The following TRPC4 variants were observed in gnomAD, a reference collection of about 807,000 sequenced individuals.
The protein encoded by TRPC4 is short transient receptor potential channel 4.
Under a neutral mutation model 99.4 loss-of-function variants are expected in TRPC4, and 49 were observed. The observed-to-expected ratio is 0.49, with a 90% CI of 0.39 to 0.63. TRPC4 has a LOEUF of 0.63. Ranked by LOEUF, TRPC4 falls within the 20% of genes least tolerant of loss-of-function variation. The pLI is 0.00. For missense variants in TRPC4, 898 were observed against 1,152.9 expected, an observed-to-expected ratio of 0.78 and a Z score of 3.20; for synonymous variants, 454 against 425.9, an observed-to-expected ratio of 1.07 and a Z score of -0.81.
At chr13:37,689,855 C>T (rs1015046747) in intron 4 of TRPC4, among the ~76,000 whole-genome samples, 2 of 152,148 alleles carry the variant, frequency 1.3e-5, no homozygotes, top group African/African-American at 4.8e-5. Context: ...ACCCATTTAT[C>T]CCAGTAAAAT....
intron 4 of TRPC4, among the ~76,000 whole-genome samples, chr13:37,688,667 C>T (rs557363212): frequency 1.1e-4 from 16 of 152,038 alleles, no homozygotes; most frequent in Admixed American, 2.0e-4. Flanking sequence ...CTTTTGAAAA[C>T]GGAAGAAAAG....
intron 3 of TRPC4, among the ~76,000 whole-genome samples, chr13:37,713,240 A>G (rs1354573615): frequency 6.6e-6 from 1 of 152,176 alleles, no homozygotes; most frequent in Non-Finnish European, 1.5e-5. Context: ...AAATGATTTA[A>G]AGATTATATA....
chr13:37,692,009 C>T lies in TRPC4; in HGVS notation c.1224G>A (p.Pro408=), dbSNP rs377254719. The T allele has an allele frequency of 8.7e-5, 141 of 1,612,930 alleles. No homozygotes were observed. The highest frequency in any genetic ancestry group is 1.6e-4 in the Middle Eastern group (1 of 6,070). ...PPTIVEWMIL[P]WVLGFIWGEI... ...TAGTAACACATTTACCCAGGACCCA[C>T]GGTAATATCATCCACTCGACGATGG... Residue 408 remains proline, a synonymous_variant, in exon 4 of 11, where the codon CCG becomes CCA. Coordinates refer to ENST00000379705, the MANE Select transcript of TRPC4 (RefSeq NM_016179.4).
chr13:37,869,172 C>A (rs1251326869), intron 1 of TRPC4, among the ~76,000 whole-genome samples: 1 of 151,574 alleles, frequency 6.6e-6, no homozygotes. Flanking sequence ...TAAGGCCTCA[C>A]TTATATGCAC....
chr13:37,863,546 C>G (rs1291930144), intron 1 of TRPC4, among the ~76,000 whole-genome samples: 1 of 151,500 alleles, frequency 6.6e-6, no homozygotes, highest in Non-Finnish European at 1.5e-5. Context: ...TGTCAAACTG[C>G]AACTACCACA....
intron 5 of TRPC4, among the ~76,000 whole-genome samples, chr13:37,664,686 T>A (rs1380043066): frequency 2.0e-5 from 3 of 152,340 alleles, no homozygotes; most frequent in Middle Eastern, 6.8e-3. Flanking sequence ...TTCATACACA[T>A]CACTGAAAAA....
intron 2 of TRPC4, among the ~76,000 whole-genome samples, chr13:37,775,642 T>C (rs1156877241): frequency 6.6e-6 from 1 of 151,746 alleles, no homozygotes; most frequent in Non-Finnish European, 1.5e-5. Flanking sequence ...ATTTTCTCTC[T>C]CTCTCACTCC....
intron 1 of TRPC4, among the ~76,000 whole-genome samples, chr13:37,844,915 C>T (rs189468566): frequency 5.3e-5 from 8 of 152,188 alleles, no homozygotes; most frequent in Non-Finnish European, 1.0e-4. Flanking sequence ...AGCAAATGGC[C>T]CTTCCCAACT....
chr13:37,757,116 A>T (rs2151443), intron 2 of TRPC4, among the ~76,000 whole-genome samples: 74,979 of 151,818 alleles, frequency 0.49, 19,964 homozygotes, highest in Non-Finnish European at 0.6. Context: ...TGGTAACATG[A>T]ATGCCTATTA....
At chr13:37,643,012 G>T (rs150810908) in intron 8 of TRPC4, among the ~76,000 whole-genome samples, 2,786 of 152,260 alleles carry the variant, frequency 0.018, 75 homozygotes, top group Admixed American at 0.057. Flanking sequence ...TTACAGGTGT[G>T]AGCCACAGTG....
chr13:37,852,489 G>A (rs1010061569), intron 1 of TRPC4, among the ~76,000 whole-genome samples: 1 of 152,172 alleles, frequency 6.6e-6, no homozygotes, highest in African/African-American at 2.4e-5. Flanking sequence ...TACACAATGG[G>A]CCTTGGGCCC....
At chr13:37,822,719 C>T (rs1325086021) in intron 1 of TRPC4, among the ~76,000 whole-genome samples, 19 of 151,888 alleles carry the variant, frequency 1.3e-4, no homozygotes, top group Non-Finnish European at 4.4e-5. Context: ...TGAATAATGC[C>T]GCAATGAACA....
intron 6 of TRPC4, among the ~76,000 whole-genome samples, chr13:37,659,900 A>C (rs1479205009): frequency 6.6e-6 from 1 of 152,174 alleles, no homozygotes; most frequent in Non-Finnish European, 1.5e-5. Flanking sequence ...CAGGAGGAAG[A>C]ATATGTTTTA....
chr13:37,646,509 G>A (rs778901308), intron 8 of TRPC4, among the ~76,000 whole-genome samples: 2 of 152,004 alleles, frequency 1.3e-5, no homozygotes, highest in Non-Finnish European at 2.9e-5. Flanking sequence ...TAAATGGATC[G>A]GGACCTTTTG....
At chr13:37,666,778 G>A (rs941682125) in intron 5 of TRPC4, among the ~76,000 whole-genome samples, 1 of 152,062 alleles carries the variant, frequency 6.6e-6, no homozygotes, top group African/African-American at 2.4e-5. Context: ...CCTCTTCTCA[G>A]TCTCCTTGGG....
Position 37,636,847 on chromosome 13 carries a change from C to G in TRPC4, c.*56G>C. The G allele has an allele frequency of 6.5e-7, 1 of 1,548,982 alleles. No homozygotes were observed. Among genetic ancestry groups the G allele is most frequent in the African/African-American group, 1.4e-5 (1 of 72,954 alleles). Reference sequence around the variant, plus strand: ...AATACAATTTAAACATTTTCCCCCACCCAGAGCACTACGGAAAATACGTAT... The same window carrying G: ...AATACAATTTAAACATTTTCCCCCAGCCAGAGCACTACGGAAAATACGTAT... On this transcript the variant is annotated 3_prime_UTR_variant, in exon 11 of 11. Coordinates refer to ENST00000379705, the MANE Select transcript of TRPC4 (RefSeq NM_016179.4).
chr13:37,738,347 T>C (rs1955467717), intron 3 of TRPC4, among the ~76,000 whole-genome samples: 1 of 152,182 alleles, frequency 6.6e-6, no homozygotes, highest in Admixed American at 6.5e-5. Context: ...CAAAGTGCTA[T>C]GTTTAAAAGC....
rs746045444 is a variant in TRPC4, at chr13:37,639,090, T to C, written c.2161A>G (p.Met721Val). ...RNLVKRYVAA[M>V]IRDAKTEEGL... ...TCTTCAGTTTTAGCATCTCTAATCA[T>C]TGCAGCAACGTATCGCTTCACCAGG... is the stretch of plus-strand genomic sequence containing the variant. The change falls in exon 10 of 11, where the codon ATG becomes GTG. Residue 721 changes from methionine (M) to valine (V), a missense_variant. Physicochemically the swap from Met to Val is conservative, Grantham distance 21. Around this residue, in one of 3 missense-constraint regions of TRPC4, gnomAD observed 346 missense variants for 351.4 expected, o/e 0.98. Coordinates refer to ENST00000379705, the MANE Select transcript of TRPC4 (RefSeq NM_016179.4). 2.1e-5 allele frequency: 34 copies of C among 1,613,626 alleles called. No individual in the cohort carries two copies. Among genetic ancestry groups the C allele is most frequent in the Non-Finnish European group, 2.6e-5 (31 of 1,179,672 alleles).
intron 5 of TRPC4, among the ~76,000 whole-genome samples, chr13:37,664,273 C>T (rs1200135766): frequency 6.6e-6 from 1 of 151,896 alleles, no homozygotes; most frequent in African/African-American, 2.4e-5. Flanking sequence ...AATTTGTATC[C>T]CTTTTAAAAA....
Sources: allele counts gnomAD v4.1 joint callset (sites outside exome capture counted in the v4.1 genomes callset), GRCh38; gene constraint gnomAD v4.1.1; regional missense constraint gnomAD v4.1.1; transcripts MANE v1.5; gene names NCBI Gene and HGNC (gene_info 2026-07-23, HGNC 2026-07-21).